Variants in PPP6R3 observed in about 807,000 individuals in gnomAD.
The protein encoded by PPP6R3 is serine/threonine-protein phosphatase 6 regulatory subunit 3.
A neutral mutation model predicts 110.7 loss-of-function variants in PPP6R3; 38 were observed. That is an observed-to-expected ratio of 0.34 (90% CI 0.26 to 0.45). The LOEUF (loss-of-function observed/expected upper bound fraction) is 0.45, where lower values mean the gene tolerates loss of function less well. PPP6R3 is among the 20% of genes least tolerant of loss of function. The pLI is 1.00. For missense variants in PPP6R3, 870 were observed against 1,062.4 expected, an observed-to-expected ratio of 0.82 and a Z score of 2.52; for synonymous variants, 369 against 373.5, an observed-to-expected ratio of 0.99 and a Z score of 0.14.
chr11:68,490,680 C>T (rs979602729), intron 1 of PPP6R3, among the ~76,000 whole-genome samples: 2 of 149,350 alleles, frequency 1.3e-5, no homozygotes, highest in African/African-American at 4.9e-5. Flanking sequence ...ACGGAAGTTT[C>T]TATTGTCATA....
chr11:68,594,946 G>A (rs1330031618), intron 18 of PPP6R3, among the ~76,000 whole-genome samples: 2 of 152,156 alleles, frequency 1.3e-5, no homozygotes, highest in East Asian at 1.9e-4. Flanking sequence ...TTTTGATAGA[G>A]GCGAAAGGCA....
rs146007721 is a variant in PPP6R3, at chr11:68,565,100, T to C, written c.975+668T>C. On this transcript the variant is annotated intron_variant, in intron 9 of 23. Transcript: ENST00000393800. The stretch of plus-strand genomic sequence containing the variant: ...AACAGTTCTTAAGTTTCCTTTTTTT[T>C]CCTGCCCTATATCATTGAATCTGGT... Among the ~76,000 whole-genome samples the C allele has an allele frequency of 2.3e-4, 35 of 152,130 alleles. No homozygotes were observed. The East Asian group carries it at 5.6e-3, about 24-fold the overall frequency.
chr11:68,594,351 A>AGAGAGAGT (rs1555195104), intron 18 of PPP6R3, among the ~76,000 whole-genome samples: 1,575 of 147,026 alleles, frequency 0.011, 17 homozygotes, highest in African/African-American at 0.039. Context: ...AGAGAGTGAG[A>AGAGAGAGT]GAGAGAGAGA....
chr11:68,472,017 C>G (rs897233447), intron 1 of PPP6R3, among the ~76,000 whole-genome samples: 1 of 151,856 alleles, frequency 6.6e-6, no homozygotes, highest in Non-Finnish European at 1.5e-5. Context: ...GTATGACATA[C>G]TCTGTGGGAA....
At position 68,574,188 on chromosome 11, in the gene PPP6R3, G is replaced by A; in HGVS notation, c.1423G>A (p.Gly475Ser). The A allele has an allele frequency of 6.2e-7, 1 of 1,613,970 alleles. No homozygotes were observed. The stretch of plus-strand genomic sequence containing the variant: ...CTGTATCGTGCACAGCACTGACAAG[G>A]GCCCCAACAGTGCATTAGTGCAGCA... ...ANCIVHSTDK[G>S]PNSALVQQLI... Residue 475 changes from glycine (G) to serine (S), a missense_variant, in exon 13 of 24, where the codon GGC (glycine) becomes AGC (serine). Coordinates refer to ENST00000393800, the MANE Select transcript of PPP6R3 (RefSeq NM_001164161.2).
chr11:68,548,109 A>T lies in PPP6R3; in HGVS notation c.457A>T (p.Ile153Phe). The change falls in exon 5 of 24, where the codon ATT becomes TTT. Residue 153 changes from isoleucine to phenylalanine, a missense_variant. Coordinates refer to ENST00000393800, the MANE Select transcript of PPP6R3 (RefSeq NM_001164161.2). ...LKKKHDFVDL[I>F]IKHIGTSAIM... ...GAAGAAGCATGATTTTGTAGACCTT[A>T]TTATAAAGCACATAGGAACTTCTGC... 6.2e-7 allele frequency: 1 copy of T among 1,613,890 alleles called. No individual in the cohort carries two copies. The highest frequency in any genetic ancestry group is 8.5e-7 in the Non-Finnish European group (1 of 1,179,748).
Position 68,590,684 on chromosome 11 carries a change from C to G in PPP6R3, c.1755C>G (p.Asp585Glu). Residue 585 changes from aspartate to glutamate, a missense_variant, in exon 17 of 24, where the codon GAC becomes GAG. By Grantham distance (45) the Asp-to-Glu change is conservative. Transcript: ENST00000393800. ...GTGTTTCTTTTGATCGAGTATCAGA[C>G]ATCAACTTTACTCTCAATACAAATG... ...IGNVSFDRVS[D>E]INFTLNTNES... The G allele has an allele frequency of 1.3e-6, 2 of 1,593,298 alleles. No individual in the cohort carries two copies. The highest frequency in any genetic ancestry group is 1.7e-6 in the Non-Finnish European group (2 of 1,165,686).
chr11:68,483,415 C>G (rs1443395513), intron 1 of PPP6R3, among the ~76,000 whole-genome samples: 1 of 152,182 alleles, frequency 6.6e-6, no homozygotes, highest in Middle Eastern at 3.2e-3. Flanking sequence ...GATAACATCC[C>G]TCAGGAGAAT....
chr11:68,614,159 C>G lies in PPP6R3; in HGVS notation c.*1042C>G. On this transcript the variant is annotated 3_prime_UTR_variant, in exon 24 of 24. Transcript: ENST00000393800. ...TAAAAGTAGAAATCAAAATCTGGCA[C>G]CGAAGCATGCTAATTGTTTACTGTA... The G allele has an allele frequency of 1.0e-6, 1 of 986,110 alleles. No individual in the cohort carries two copies. The allele number at this position is 986,110 out of a possible 1,614,324, so 61.1% of individuals were successfully genotyped here. A position where few individuals can be genotyped will look rare whatever the true frequency, so the allele number is the denominator to read the frequency against.
chr11:68,466,433 CTTTT>C (rs906791744), intron 1 of PPP6R3, among the ~76,000 whole-genome samples: 1 of 125,396 alleles, frequency 8.0e-6, no homozygotes. Context: ...AGGACATTTT[CTTTT>C]TTTTTTTTTT....
At chr11:68,552,439 C>T (rs2099384942) in intron 6 of PPP6R3, among the ~76,000 whole-genome samples, 2 of 152,254 alleles carry the variant, frequency 1.3e-5, no homozygotes, top group African/African-American at 4.8e-5. Flanking sequence ...AAGGGACTGT[C>T]ACTTCCCCAT....
Position 68,582,282 on chromosome 11 carries a change from CACT to C in PPP6R3, c.1546-756_1546-754del, listed in dbSNP as rs1430081865. Among the ~76,000 whole-genome samples, 7 of 152,348 alleles carry C rather than the reference CACT, an allele frequency of 4.6e-5. 1 individual carries two copies. The highest frequency in any genetic ancestry group is 6.8e-3 in the Middle Eastern group (2 of 294). On this transcript the variant is annotated intron_variant, in intron 14 of 23. Coordinates refer to ENST00000393800, the MANE Select transcript of PPP6R3 (RefSeq NM_001164161.2). ...TGTTTATCCCTTGCCATATAGCAAT[CACT>C]ACTATTAGTGCTGTACTTAATTATT...
chr11:68,574,734 T>A (rs959007891), intron 13 of PPP6R3, among the ~76,000 whole-genome samples: 2 of 152,238 alleles, frequency 1.3e-5, no homozygotes, highest in African/African-American at 4.8e-5. Context: ...GCATTTCAGT[T>A]TAATCAGCCC....
At chr11:68,586,801 A>G (rs2099579951) in intron 15 of PPP6R3, 1 of 152,244 alleles carries the variant, frequency 6.6e-6, no homozygotes, top group Non-Finnish European at 1.5e-5. Flanking sequence ...TGGTAGAGGC[A>G]TTTCTGCAGT....
chr11:68,528,911 A>G (rs1300888383), intron 2 of PPP6R3, among the ~76,000 whole-genome samples: 1 of 152,154 alleles, frequency 6.6e-6, no homozygotes, highest in Non-Finnish European at 1.5e-5. Context: ...GCATCAGTAG[A>G]TGAGCCAGTA....
chr11:68,502,031 C>A (rs1244031529), intron 1 of PPP6R3, among the ~76,000 whole-genome samples: 1 of 152,150 alleles, frequency 6.6e-6, no homozygotes, highest in Non-Finnish European at 1.5e-5. Context: ...TTTGAAAAAA[C>A]GTGTTGACAC....
chr11:68,472,616 G>GT (rs2098800051), intron 1 of PPP6R3, among the ~76,000 whole-genome samples: 1 of 151,072 alleles, frequency 6.6e-6, no homozygotes, highest in Non-Finnish European at 1.5e-5. Context: ...TATATCTCGG[G>GT]GTTTTTTTTT....
At chr11:68,495,108 C>T (rs1372131030) in intron 1 of PPP6R3, among the ~76,000 whole-genome samples, 1 of 152,094 alleles carries the variant, frequency 6.6e-6, no homozygotes, top group African/African-American at 2.4e-5. Flanking sequence ...AATAGGGTGG[C>T]ATTTGTGTGT....
At chr11:68,502,138 A>G (rs186462579) in intron 1 of PPP6R3, among the ~76,000 whole-genome samples, 8 of 152,358 alleles carry the variant, frequency 5.3e-5, no homozygotes, top group African/African-American at 1.7e-4. Flanking sequence ...ACGAAAGACA[A>G]TGCAGGCTAT....
Sources: gnomAD v4.1 joint callset for allele counts (sites outside exome capture counted in the v4.1 genomes callset) on GRCh38, gnomAD v4.1.1 for gene constraint, MANE v1.5 for transcripts, NCBI Gene and HGNC (gene_info 2026-07-23, HGNC 2026-07-21) for gene names.